The following AFF3 variants were observed in gnomAD, a reference collection of about 807,000 sequenced individuals.
AFF3 encodes the protein AF4/FMR2 family member 3.
A neutral mutation model predicts 129.7 loss-of-function variants in AFF3; 32 were observed. The observed-to-expected ratio is 0.25, with a 90% CI of 0.19 to 0.33. AFF3 has a LOEUF of 0.33. Ranked by LOEUF, AFF3 falls within the 10% of genes least tolerant of loss-of-function variation. The probability of loss-of-function intolerance (pLI) is 1.00; values close to 1 mark genes in which losing one functional copy is unlikely to be tolerated. For synonymous variants in AFF3, 644 were observed against 635.4 expected (o/e 1.01, Z -0.20); for missense variants, 1,373 against 1,592.0 (o/e 0.86, Z 2.34).
At chr2:99,755,802 TC>T (rs1374604220) in intron 8 of AFF3, among the ~76,000 whole-genome samples, 1 of 152,128 alleles carries the variant, frequency 6.6e-6, no homozygotes, top group Non-Finnish European at 1.5e-5. Context: ...CTATTTCTCA[TC>T]CGGTAAAAAT....
At chr2:100,096,215 C>T (rs1293056247) in intron 4 of AFF3, among the ~76,000 whole-genome samples, 1 of 152,100 alleles carries the variant, frequency 6.6e-6, no homozygotes, top group African/African-American at 2.4e-5. Flanking sequence ...TAAGACTATA[C>T]AGTTACTCTC....
chr2:99,684,774 G>A (rs1674881158), intron 11 of AFF3, among the ~76,000 whole-genome samples: 1 of 150,194 alleles, frequency 6.7e-6, no homozygotes, highest in South Asian at 2.1e-4. Context: ...ACCGTGCCCA[G>A]CCCATGAATT....
At chr2:99,838,908 C>CA (rs1445305737) in intron 7 of AFF3, among the ~76,000 whole-genome samples, 1 of 152,178 alleles carries the variant, frequency 6.6e-6, no homozygotes, top group Non-Finnish European at 1.5e-5. Context: ...TGGGGTAGAG[C>CA]ATTTCCTTTG....
At chr2:100,006,596 T>G in intron 7 of AFF3, 36 bp downstream of exon 7, 10 of 1,562,782 alleles carry the variant, frequency 6.4e-6, no homozygotes, top group Non-Finnish European at 8.7e-6. Context: ...CTTGTAACTA[T>G]GCAGTTGCAT....
chr2:99,737,813 T>C (rs1441182700), intron 10 of AFF3, among the ~76,000 whole-genome samples: 1 of 151,964 alleles, frequency 6.6e-6, no homozygotes, highest in Non-Finnish European at 1.5e-5. Context: ...TATCTCCATG[T>C]CTCTTAACTA....
chr2:99,653,676 G>C (rs889059474), intron 12 of AFF3, among the ~76,000 whole-genome samples: 4 of 152,208 alleles, frequency 2.6e-5, no homozygotes, highest in Admixed American at 2.0e-4. Context: ...TGGAAGCTTA[G>C]AGCAAGGGCT....
rs1251697764 is a variant in AFF3 at position 99,898,005 on chromosome 2, C to T, written c.874-60481G>A. 5.3e-5 allele frequency among the ~76,000 whole-genome samples: 8 copies of T among 152,262 alleles called. No homozygotes were observed. The South Asian group carries it at 1.4e-3, about 28-fold the overall frequency. On this transcript the variant is annotated intron_variant, in intron 7 of 24. Coordinates refer to ENST00000672756, the MANE Select transcript of AFF3 (RefSeq NM_001386135.1). Reference sequence around the variant, plus strand: ...TTACCTTCTGAAAAATACTGGAGACCTCATCTGATAAGCTGGGTTGACAAG... The same window carrying T: ...TTACCTTCTGAAAAATACTGGAGACTTCATCTGATAAGCTGGGTTGACAAG...
intron 7 of AFF3, among the ~76,000 whole-genome samples, chr2:99,902,449 C>T (rs1246251089): frequency 6.6e-6 from 1 of 152,114 alleles, no homozygotes; most frequent in Non-Finnish European, 1.5e-5. Flanking sequence ...GCATATTCAG[C>T]AGAATTCAAC....
chr2:99,721,870 A>C (rs1036252849), intron 11 of AFF3, among the ~76,000 whole-genome samples: 4 of 152,028 alleles, frequency 2.6e-5, no homozygotes, highest in Non-Finnish European at 5.9e-5. Context: ...TTTCAGGTCT[A>C]TTTTGTCTCT....
intron 7 of AFF3, among the ~76,000 whole-genome samples, chr2:99,849,068 T>C (rs1689944633): frequency 6.6e-6 from 1 of 152,064 alleles, no homozygotes; most frequent in Non-Finnish European, 1.5e-5. Flanking sequence ...TGGTGTAGTG[T>C]GAAATGGTAC....
intron 4 of AFF3, among the ~76,000 whole-genome samples, chr2:100,092,325 A>T (rs926145566): frequency 6.6e-6 from 1 of 151,696 alleles, no homozygotes; most frequent in Non-Finnish European, 1.5e-5. Flanking sequence ...TGCCCCCAAC[A>T]GCTCTCTACT....
At position 99,584,292 on chromosome 2, in the gene AFF3, A is replaced by AC. The variant is rs532368829; in HGVS notation, c.2592-1294dup. Among the ~76,000 whole-genome samples, 542 of 151,488 alleles carry AC rather than the reference A, an allele frequency of 3.6e-3. 4 individuals carry two copies. Among genetic ancestry groups the AC allele is most frequent in the African/African-American group, 0.013 (517 of 41,294 alleles). The stretch of plus-strand genomic sequence containing the variant: ...AGACCAGCCTGGCCAACACGGTGAA[A>AC]CCCCCTCTCTGCTAAAAATACAAAA... On this transcript the variant is annotated intron_variant, in intron 16 of 24. Transcript: ENST00000672756.
At chr2:100,102,199 C>G (rs1690785251) in intron 4 of AFF3, among the ~76,000 whole-genome samples, 1 of 150,840 alleles carries the variant, frequency 6.6e-6, no homozygotes, top group African/African-American at 2.4e-5. Context: ...TTTACGTAAA[C>G]CATAAAACTG....
At chr2:99,872,749 A>T (rs1691977747) in intron 7 of AFF3, among the ~76,000 whole-genome samples, 1 of 152,162 alleles carries the variant, frequency 6.6e-6, no homozygotes, top group South Asian at 2.1e-4. Flanking sequence ...ACTGAGTTGT[A>T]CTGATTTTGC....
At chr2:99,767,828 C>T (rs1432486473) in intron 8 of AFF3, among the ~76,000 whole-genome samples, 1 of 152,118 alleles carries the variant, frequency 6.6e-6, no homozygotes, top group Non-Finnish European at 1.5e-5. Context: ...ACCTGTAGTC[C>T]CAGCTACTCA....
At chr2:99,975,100 T>G (rs1441601750) in intron 7 of AFF3, among the ~76,000 whole-genome samples, 1 of 152,208 alleles carries the variant, frequency 6.6e-6, no homozygotes, top group African/African-American at 2.4e-5. Context: ...ATTCATACCC[T>G]GGTAATCATA....
chr2:99,823,408 T>A (rs562322811), intron 8 of AFF3, among the ~76,000 whole-genome samples: 11 of 152,286 alleles, frequency 7.2e-5, no homozygotes, highest in African/African-American at 2.4e-4. Flanking sequence ...CAGAAATAAG[T>A]ATTCTGATAA....
chr2:99,843,999 C>A (rs182248857), intron 7 of AFF3, among the ~76,000 whole-genome samples: 38 of 152,054 alleles, frequency 2.5e-4, no homozygotes, highest in African/African-American at 9.2e-4. Context: ...CACTGCACTC[C>A]AGCCTGGATG....
intron 4 of AFF3, among the ~76,000 whole-genome samples, chr2:100,074,757 C>T (rs1176508265): frequency 6.6e-6 from 1 of 152,114 alleles, no homozygotes; most frequent in Admixed American, 6.5e-5. Context: ...CTTCCTAAGA[C>T]TCAACACCCA....
Sources: gnomAD v4.1 joint callset for allele counts (sites outside exome capture counted in the v4.1 genomes callset) on GRCh38, gnomAD v4.1.1 for gene constraint, MANE v1.5 for transcripts, NCBI Gene and HGNC (gene_info 2026-07-23, HGNC 2026-07-21) for gene names.